The following RGPD4 variants were observed in gnomAD, a reference collection of about 807,000 sequenced individuals.
The protein encoded by RGPD4 is ranBP2-like and GRIP domain-containing protein 4.
Under a neutral mutation model 141.1 loss-of-function variants are expected in RGPD4, and 84 were observed. The observed-to-expected ratio is 0.60, with a 90% CI of 0.50 to 0.71. The LOEUF is 0.71. Ranked by LOEUF, RGPD4 falls within the 30% of genes least tolerant of loss-of-function variation. The probability of loss-of-function intolerance (pLI) is 0.00; values close to 1 mark genes in which losing one functional copy is unlikely to be tolerated. For synonymous variants in RGPD4, 298 were observed against 566.8 expected (o/e 0.53, Z 6.74); for missense variants, 918 against 1,622.4 (o/e 0.57, Z 7.46).
Position 107,871,782 on chromosome 2 carries a change from G to C in RGPD4, c.3778G>C (p.Asp1260His). 6.2e-7 allele frequency: 1 copy of C among 1,611,506 alleles called. No homozygotes were observed. Among genetic ancestry groups the C allele is most frequent in the Non-Finnish European group, 8.5e-7 (1 of 1,179,852 alleles). ...DNCDLREDAL[D>H]DSVSSSSVHA... ...CTGTGATTTAAGGGAAGATGCTTTG[G>C]ATGATAGTGTCAGTAGTAGCTCAGT... Residue 1260 changes from aspartate to histidine, a missense_variant, in exon 20 of 23, where the codon GAT (aspartate) becomes CAT (histidine). Physicochemically the swap from Asp to His is moderately conservative, Grantham distance 81. Transcript: ENST00000408999.
At chr2:107,888,915 C>G (rs537005330) in intron 22 of RGPD4, among the ~76,000 whole-genome samples, 85 of 140,008 alleles carry the variant, frequency 6.1e-4, no homozygotes, top group African/African-American at 2.2e-3. Flanking sequence ...GAAATAGAAC[C>G]ATTTCTGATC....
intron 6 of RGPD4, among the ~76,000 whole-genome samples, chr2:107,845,606 T>C (rs1343332893): frequency 6.6e-6 from 1 of 152,258 alleles, no homozygotes; most frequent in South Asian, 2.1e-4. Flanking sequence ...GTTTGTCAGA[T>C]CAGTTAATCA....
At chr2:107,877,962 G>A (rs1683137336) in intron 20 of RGPD4, among the ~76,000 whole-genome samples, 1 of 151,312 alleles carries the variant, frequency 6.6e-6, no homozygotes, top group African/African-American at 2.4e-5. Context: ...ACAGGCACCT[G>A]CCACCGTGCC....
chr2:107,844,802 C>CGTTT (rs1681856572), intron 6 of RGPD4, among the ~76,000 whole-genome samples: 1 of 53,844 alleles, frequency 1.9e-5, no homozygotes, highest in Non-Finnish European at 4.0e-5. Context: ...TATGTGGGTT[C>CGTTT]CTTTCTTTCT....
At position 107,890,321 on chromosome 2, in the gene RGPD4, G is replaced by A. The variant is rs1675619486; in HGVS notation, c.5267-400G>A. ...ATCCCAACACTGTAAGGCTGAAGTG[G>A]GAGGATCACTTGAGCCCAGGAATTT... On this transcript the variant is annotated intron_variant, in intron 22 of 22. Transcript: ENST00000408999. Among the ~76,000 whole-genome samples the A allele has an allele frequency of 4.0e-5, 3 of 75,856 alleles. 1 individual carries two copies. The highest frequency in any genetic ancestry group is 3.4e-4 in the Admixed American group (3 of 8,744). 49.8% of individuals were successfully genotyped at this position (75,856 alleles called of 152,430 possible).
At position 107,828,524 on chromosome 2, in the gene RGPD4, G is replaced by C. The variant is rs1194346128; in HGVS notation, c.72+1439G>C. Among the ~76,000 whole-genome samples the C allele has an allele frequency of 5.9e-5, 7 of 119,214 alleles. No homozygotes were observed. In the East Asian group the frequency reaches 2.0e-3, roughly 33 times the overall value. 78.2% of individuals were successfully genotyped at this position (119,214 alleles called of 152,430 possible). ...CTCGACCCGGCCCGGCGGCGGCCTC[G>C]ATGGCTCAGGCGTCATGGCTCCCGA... On this transcript the variant is annotated intron_variant, in intron 1 of 22. Transcript: ENST00000408999.
chr2:107,829,861 G>T (rs997162638), intron 1 of RGPD4, among the ~76,000 whole-genome samples: 1 of 151,954 alleles, frequency 6.6e-6, no homozygotes, highest in South Asian at 2.1e-4. Flanking sequence ...GTGCTGTATC[G>T]GCGGGTTTCT....
At chr2:107,845,474 C>T (rs551545787) in intron 6 of RGPD4, among the ~76,000 whole-genome samples, 14 of 150,200 alleles carry the variant, frequency 9.3e-5, no homozygotes, top group African/African-American at 3.5e-4. Context: ...TGGAGTCACT[C>T]GGGAGAATCT....
intron 18 of RGPD4, among the ~76,000 whole-genome samples, chr2:107,867,453 C>T (rs1682766351): frequency 7.0e-6 from 1 of 143,282 alleles, no homozygotes; most frequent in Admixed American, 7.1e-5. Context: ...TGTCGTAAGT[C>T]ATAGATAAGT....
intron 6 of RGPD4, among the ~76,000 whole-genome samples, chr2:107,845,590 C>T (rs1217157227): frequency 6.6e-6 from 1 of 152,192 alleles, no homozygotes; most frequent in African/African-American, 2.4e-5. Context: ...CTGTGGGTGA[C>T]AGATGGTTTG....
chr2:107,887,068 C>T (rs1675533215), intron 22 of RGPD4, among the ~76,000 whole-genome samples: 3 of 147,506 alleles, frequency 2.0e-5, no homozygotes, highest in South Asian at 2.3e-4. Flanking sequence ...CATGGCGAGA[C>T]CCTATGTCTA....
chr2:107,888,801 C>G (rs832340), intron 22 of RGPD4, among the ~76,000 whole-genome samples: 1 of 112,064 alleles, frequency 8.9e-6, no homozygotes, highest in African/African-American at 4.0e-5. Context: ...AGGAACTAAA[C>G]TCTTCCAACT....
At chr2:107,830,155 G>C (rs1661384) in intron 1 of RGPD4, among the ~76,000 whole-genome samples, 105,760 of 151,194 alleles carry the variant, frequency 0.7, 37,825 homozygotes, top group Middle Eastern at 0.78. Context: ...CCGCCCAGAA[G>C]ACTTTGGTAG....
chr2:107,845,368 C>G (rs1279084117), intron 6 of RGPD4, among the ~76,000 whole-genome samples: 1 of 150,042 alleles, frequency 6.7e-6, no homozygotes, highest in African/African-American at 2.5e-5. Context: ...ATCCTCCTGC[C>G]TCAGGTTGTT....
chr2:107,837,188 C>CTT (rs71225100), intron 2 of RGPD4, among the ~76,000 whole-genome samples: 1 of 41,894 alleles, frequency 2.4e-5, no homozygotes, highest in Non-Finnish European at 4.1e-5. Flanking sequence ...GGGAGGCAGG[C>CTT]TTTTTTTTTT....
Position 107,870,906 on chromosome 2 carries a change from A to T in RGPD4, c.2902A>T (p.Ser968Cys). ...TGGTGTGATTTTTGGCCAAACAAGT[A>T]GCACTTTTACATTTGCAGATGTTGC... The part of the protein sequence containing the change: ...GRGVIFGQTS[S>C]TFTFADVAKS... Residue 968 changes from serine to cysteine, a missense_variant, in exon 20 of 23, where the codon AGC becomes TGC. Transcript: ENST00000408999. The T allele has an allele frequency of 6.2e-7, 1 of 1,609,872 alleles. No homozygotes were observed.
chr2:107,887,426 T>C (rs1284281443), intron 22 of RGPD4, among the ~76,000 whole-genome samples: 1 of 152,178 alleles, frequency 6.6e-6, no homozygotes, highest in Non-Finnish European at 1.5e-5. Context: ...ATAAAATGTT[T>C]ATGATGTTGG....
In RGPD4 at chr2:107,835,599, T is replaced by C. The variant is rs528295864; in HGVS notation, c.73-1003T>C. ...CTTAGTTATTCTTTCCCATAGAGGC[T>C]TACACATGGTAGGAGAAGAGATTTC... On this transcript the variant is annotated intron_variant, in intron 1 of 22. Transcript: ENST00000408999. 4.6e-5 allele frequency among the ~76,000 whole-genome samples: 7 copies of C among 152,032 alleles called. No individual in the cohort carries two copies. The South Asian group carries it at 1.5e-3, about 32-fold the overall frequency.
intron 8 of RGPD4, 117 bp downstream of exon 8, chr2:107,854,760 C>T (rs2377920): frequency 1.0e-4 from 152 of 1,456,908 alleles, no homozygotes; most frequent in African/African-American, 6.4e-4. Context: ...TATTTCTTTT[C>T]GCCGTATCAG....
Sources: gnomAD v4.1 joint callset for allele counts (sites outside exome capture counted in the v4.1 genomes callset) on GRCh38, gnomAD v4.1.1 for gene constraint, MANE v1.5 for transcripts, NCBI Gene and HGNC (gene_info 2026-07-23, HGNC 2026-07-21) for gene names.